The following RSAD2 variants were observed in gnomAD, a reference collection of about 807,000 sequenced individuals.
RSAD2 encodes the protein radical S-adenosyl methionine domain containing 2.
A neutral mutation model predicts 37.7 loss-of-function variants in RSAD2; 38 were observed. That is an observed-to-expected ratio of 1.01 (90% CI 0.78 to 1.32). The LOEUF is 1.32. RSAD2 is among the 40% of genes most tolerant of loss of function. RSAD2 has a pLI of 0.00. For synonymous variants in RSAD2, 163 were observed against 157.4 expected (o/e 1.04, Z -0.27); for missense variants, 428 against 437.5 (o/e 0.98, Z 0.19).
Position 6,877,957 on chromosome 2 carries a change from CT to C in RSAD2, c.158del (p.Leu53ArgfsTer88). ...ATKRRKQQLVLRGPDETKEEE... is the reference protein window; with the variant it reads ...ATKRRKQQLVXRGPDETKEEE... ...CAAGAGGAGAAAGCAGCAGCTGGTCCTGAGAGGGCCAGATGAGACCAAAGAG... is the reference window on the plus strand; with the variant it reads ...CAAGAGGAGAAAGCAGCAGCTGGTCCGAGAGGGCCAGATGAGACCAAAGAG... On this transcript the variant is annotated frameshift_variant, in exon 1 of 6. Transcript: ENST00000382040. LOFTEE classifies it high-confidence loss of function. 6.2e-7 allele frequency: 1 copy of C among 1,614,172 alleles called. No homozygotes were observed. The highest frequency in any genetic ancestry group is 8.5e-7 in the Non-Finnish European group (1 of 1,180,024).
At chr2:6,868,359 C>T (rs1663144118) in intron 1 of RSAD2, among the ~76,000 whole-genome samples, 1 of 152,052 alleles carries the variant, frequency 6.6e-6, no homozygotes, top group Non-Finnish European at 1.5e-5. Flanking sequence ...AAAGAAAATG[C>T]AAATCAGAAT....
At chr2:6,876,044 T>C (rs1033915696), upstream of RSAD2, among the ~76,000 whole-genome samples, 1 of 152,216 alleles carries the variant, frequency 6.6e-6, no homozygotes, top group African/African-American at 2.4e-5. Context: ...CACATTGCTT[T>C]AGACTATCTC....
Position 6,898,118 on chromosome 2 carries a change from T to G in RSAD2, c.*2176T>G, listed in dbSNP as rs1663818421. 1 of 152,202 alleles carries G rather than the reference T, an allele frequency of 6.6e-6. No individual in the cohort carries two copies. The highest frequency in any genetic ancestry group is 1.5e-5 in the Non-Finnish European group (1 of 68,036). 9.4% of individuals were successfully genotyped at this position (152,202 alleles called of 1,614,324 possible). A position where few individuals can be genotyped will look rare whatever the true frequency, so the allele number is the denominator to read the frequency against. On this transcript the variant is annotated 3_prime_UTR_variant, in exon 6 of 6. Coordinates refer to ENST00000382040, the MANE Select transcript of RSAD2 (RefSeq NM_080657.5). ...GTGTTATTTGAAACCAAATCTGAAT[T>G]TGAAGTTTGAATCTTCTGAGTTGGA...
chr2:6,880,517 G>T (rs932005199), intron 1 of RSAD2, among the ~76,000 whole-genome samples: 1 of 152,156 alleles, frequency 6.6e-6, no homozygotes, highest in African/African-American at 2.4e-5. Context: ...ACACTAAAGA[G>T]AAACTAATGT....
chr2:6,885,732 C>T lies in RSAD2; in HGVS notation c.509-1203C>T, dbSNP rs189581474. Among the ~76,000 whole-genome samples, 114 of 151,328 alleles carry T rather than the reference C, an allele frequency of 7.5e-4. 1 individual carries two copies. The Middle Eastern group carries it at 0.01, about 14-fold the overall frequency. The stretch of plus-strand genomic sequence containing the variant: ...GATCCTCAGATGACTTGGAAATCAA[C>T]TAGGTCTGTCTTTAGTATAACTGAT... On this transcript the variant is annotated intron_variant, in intron 2 of 5. Transcript: ENST00000382040.
At chr2:6,869,837 A>G (rs1318737123) in intron 1 of RSAD2, among the ~76,000 whole-genome samples, 1 of 152,214 alleles carries the variant, frequency 6.6e-6, no homozygotes, top group Non-Finnish European at 1.5e-5. Flanking sequence ...CTAGGTCTGA[A>G]TTTAAAATAA....
At chr2:6,873,881 A>C (rs1663240727), upstream of RSAD2, among the ~76,000 whole-genome samples, 1 of 152,216 alleles carries the variant, frequency 6.6e-6, no homozygotes, top group African/African-American at 2.4e-5. Context: ...TATGTTACTA[A>C]TATGTGTTCC....
At chr2:6,895,679 G>A (rs1663759364) in intron 5 of RSAD2, 99 bp from the exon 6 acceptor site, 5 of 1,105,510 alleles carry the variant, frequency 4.5e-6, no homozygotes, top group Non-Finnish European at 6.5e-6. Context: ...CTGTCGACAT[G>A]ACTGGAATAT....
At chr2:6,866,204 C>G (rs934509728) in intron 1 of RSAD2, among the ~76,000 whole-genome samples, 1 of 152,254 alleles carries the variant, frequency 6.6e-6, no homozygotes, top group African/African-American at 2.4e-5. Context: ...CGCCCACTTG[C>G]AGGCGCACTA....
chr2:6,883,771 G>T, intron 2 of RSAD2: 1 of 525,744 alleles, frequency 1.9e-6, no homozygotes, highest in Non-Finnish European at 3.4e-6. Flanking sequence ...TTACTGAGAT[G>T]ACTATCTTGT....
upstream of RSAD2, among the ~76,000 whole-genome samples, chr2:6,876,309 C>T (rs1663280594): frequency 2.0e-5 from 3 of 152,138 alleles, no homozygotes; most frequent in Admixed American, 2.0e-4. Flanking sequence ...TTGGGCTAAG[C>T]ATTTGGAGCC....
intron 4 of RSAD2, among the ~76,000 whole-genome samples, chr2:6,893,031 G>A (rs758325276): frequency 1.3e-5 from 2 of 152,216 alleles, no homozygotes; most frequent in Non-Finnish European, 2.9e-5. Context: ...GCAAAGCACA[G>A]TTGATTAGTT....
intron 2 of RSAD2, among the ~76,000 whole-genome samples, chr2:6,885,044 C>G (rs10929456): frequency 6.6e-6 from 1 of 151,930 alleles, no homozygotes; most frequent in African/African-American, 2.4e-5. Context: ...ACTACCTCTC[C>G]AAGTTTGGTA....
intron 3 of RSAD2, among the ~76,000 whole-genome samples, chr2:6,888,426 T>C (rs934570262): frequency 6.6e-6 from 1 of 152,134 alleles, no homozygotes; most frequent in Non-Finnish European, 1.5e-5. Flanking sequence ...AACAGGGACA[T>C]GATCCACCAG....
In RSAD2 at chr2:6,890,268, A is replaced by G; in HGVS notation, c.831A>G (p.Glu277=). 6.2e-7 allele frequency: 1 copy of G among 1,614,172 alleles called. No individual in the cohort carries two copies. Among genetic ancestry groups the G allele is most frequent in the South Asian group, 1.1e-5 (1 of 91,080 alleles). ...TTGTTATTGGTGATGAAGAATTTGA[A>G]AGATTCTTGGAGCGCCACAAAGAAG... is the stretch of plus-strand genomic sequence containing the variant. ...ERFVIGDEEF[E]RFLERHKEVS... Residue 277 remains glutamate, a synonymous_variant, in exon 4 of 6, where the codon GAA becomes GAG. Coordinates refer to ENST00000382040, the MANE Select transcript of RSAD2 (RefSeq NM_080657.5).
upstream of RSAD2, among the ~76,000 whole-genome samples, chr2:6,874,023 C>T (rs183301676): frequency 3.3e-5 from 5 of 152,242 alleles, no homozygotes; most frequent in East Asian, 1.9e-4. Context: ...GATTGGATCA[C>T]GGGAGCAGGT....
chr2:6,892,683 A>G (rs761349275), intron 4 of RSAD2, among the ~76,000 whole-genome samples: 14 of 152,134 alleles, frequency 9.2e-5, no homozygotes, highest in Non-Finnish European at 2.1e-4. Context: ...GCAGACCTCT[A>G]CTCAGTGGGT....
At chr2:6,883,572 T>C in intron 2 of RSAD2, 40 bp downstream of exon 2, 1 of 1,605,194 alleles carries the variant, frequency 6.2e-7, no homozygotes, top group African/African-American at 1.3e-5. Context: ...TTGCTATTGC[T>C]ATTTTTATTG....
chr2:6,880,287 C>T (rs914159737), intron 1 of RSAD2, among the ~76,000 whole-genome samples: 15 of 152,108 alleles, frequency 9.9e-5, no homozygotes, highest in African/African-American at 3.6e-4. Flanking sequence ...AGAAAAAAAA[C>T]CTGAGAGGGG....
Sources: gnomAD v4.1 joint callset for allele counts (sites outside exome capture counted in the v4.1 genomes callset) on GRCh38, gnomAD v4.1.1 for gene constraint, MANE v1.5 for transcripts, NCBI Gene and HGNC (gene_info 2026-07-23, HGNC 2026-07-21) for gene names.